The following TTC23L variants were observed in gnomAD, a reference collection of about 807,000 sequenced individuals.
TTC23L encodes tetratricopeptide repeat domain 23 like.
TTC23L carries 42 observed loss-of-function variants against 48.1 expected under a neutral mutation model. The ratio of observed to expected loss-of-function variants is 0.87; its 90% CI spans 0.68 to 1.13. The LOEUF is 1.13. Among genes scored for constraint, TTC23L ranks in the 50% most tolerant of loss-of-function variants. The probability of loss-of-function intolerance (pLI) is 0.00; values close to 1 mark genes in which losing one functional copy is unlikely to be tolerated. For synonymous variants in TTC23L, 159 were observed against 157.2 expected, an observed-to-expected ratio of 1.01 and a Z score of -0.09; for missense variants, 391 against 421.0, an observed-to-expected ratio of 0.93 and a Z score of 0.62.
At chr5:34,878,459 C>T (rs1388921892) in intron 8 of TTC23L, among the ~76,000 whole-genome samples, 4 of 152,280 alleles carry the variant, frequency 2.6e-5, no homozygotes, top group Admixed American at 2.6e-4. Flanking sequence ...TTTATAGATT[C>T]AACTCAATTC....
At chr5:34,921,376 A>C in the TTC23L span, 2 of 152,200 alleles carry the variant, frequency 1.3e-5, no homozygotes, top group Non-Finnish European at 2.9e-5. Flanking sequence ...ACCAGAAATG[A>C]TAGTATAAAT....
intron 4 of TTC23L, among the ~76,000 whole-genome samples, chr5:34,850,656 T>G (rs1759600714): frequency 1.3e-5 from 2 of 151,938 alleles, no homozygotes; most frequent in African/African-American, 4.8e-5. Flanking sequence ...CGGAGGACAG[T>G]AGGGGAAGGA....
In TTC23L at chr5:34,840,782, T is replaced by TGAAACACTGGGAC. The variant is rs1561114595; in HGVS notation, c.68+44_68+56dup. On this transcript the variant is annotated intron_variant, in intron 2 of 10. Coordinates refer to ENST00000505624, the Ensembl canonical transcript of TTC23L. ...TTGACATCACAGGTACTTACTGGGC[T>TGAAACACTGGGAC]GAAACACTGGGACCTCCTGCTTAAG... The TGAAACACTGGGAC allele has an allele frequency of 2.5e-6, 4 of 1,581,852 alleles. No individual in the cohort carries two copies. In the Admixed American group the frequency reaches 5.0e-5, roughly 20 times the overall value.
intron 9 of TTC23L, among the ~76,000 whole-genome samples, chr5:34,890,514 C>G (rs1762803760): frequency 6.7e-6 from 1 of 149,776 alleles, no homozygotes; most frequent in Non-Finnish European, 1.5e-5. Flanking sequence ...AGATTTGAAT[C>G]CGGGTTGATC....
At chr5:34,908,848 T>G in the TTC23L span, 1 of 1,612,812 alleles carries the variant, frequency 6.2e-7, no homozygotes, top group Non-Finnish European at 8.5e-7. Context: ...TTTCTAATCA[T>G]ATACTGTAAT....
chr5:34,915,056 C>T, the TTC23L span: 1 of 668,776 alleles, frequency 1.5e-6, no homozygotes, highest in Non-Finnish European at 2.5e-6. Context: ...GGAGGCTGAA[C>T]ACGGCTGACC....
intron 4 of TTC23L, among the ~76,000 whole-genome samples, chr5:34,856,385 T>A (rs1197696138): frequency 6.6e-6 from 1 of 152,194 alleles, no homozygotes; most frequent in Admixed American, 6.5e-5. Flanking sequence ...CCTCCCCCCA[T>A]CCAGAACAAA....
intron 9 of TTC23L, chr5:34,883,489 GA>G: frequency 5.7e-6 from 1 of 174,256 alleles, no homozygotes. Context: ...GAACTAATGG[GA>G]AAGAGCCTGA....
chr5:34,869,096 T>A, intron 8 of TTC23L, 83 bp downstream of exon 8: 1 of 1,126,630 alleles, frequency 8.9e-7, no homozygotes, highest in Admixed American at 2.1e-5. Context: ...AAGATTCTAA[T>A]TAGCTATTTA....
At chr5:34,845,813 C>T in intron 3 of TTC23L, 140 bp downstream of exon 3, 1 of 882,570 alleles carries the variant, frequency 1.1e-6, no homozygotes, top group Non-Finnish European at 1.7e-6. Context: ...GAAAACAAAG[C>T]AGAGCCTACT....
chr5:34,913,434 T>A, the TTC23L span: 1 of 1,286,878 alleles, frequency 7.8e-7, no homozygotes, highest in Non-Finnish European at 1.1e-6. Context: ...CCACTATGTA[T>A]AACACTTTTA....
intron 9 of TTC23L, chr5:34,880,629 T>A (rs1260856355): frequency 1.9e-5 from 8 of 427,938 alleles, no homozygotes; most frequent in South Asian, 1.4e-4. Context: ...CTTCTAACGG[T>A]TCCCTCTCTG....
chr5:34,888,836 A>G (rs542437692), intron 9 of TTC23L, among the ~76,000 whole-genome samples: 1 of 152,224 alleles, frequency 6.6e-6, no homozygotes, highest in Non-Finnish European at 1.5e-5. Context: ...TGTTGATCAC[A>G]GTGTGATAGT....
At chr5:34,918,150 A>C in the TTC23L span, 1 of 333,192 alleles carries the variant, frequency 3.0e-6, no homozygotes, top group Non-Finnish European at 5.4e-6. Flanking sequence ...CAAAAAAAAA[A>C]AAAAAAAAAA....
intron 7 of TTC23L, 30 bp downstream of exon 7, chr5:34,867,099 G>A (rs1479551153): frequency 1.0e-5 from 16 of 1,594,026 alleles, no homozygotes; most frequent in Non-Finnish European, 1.3e-5. Context: ...CCCAGGCTGG[G>A]TTGCCTTGTT....
intron 2 of TTC23L, among the ~76,000 whole-genome samples, chr5:34,842,155 G>T (rs879922173): frequency 5.3e-5 from 8 of 152,096 alleles, no homozygotes; most frequent in Non-Finnish European, 1.0e-4. Flanking sequence ...TGAAACACAT[G>T]AATTTAATTT....
chr5:34,845,429 A>G, intron 2 of TTC23L, 58 bp from the exon 3 acceptor site: 4 of 1,541,990 alleles, frequency 2.6e-6, no homozygotes. Flanking sequence ...CTTCAATTTT[A>G]CCTTGTTTGA....
chr5:34,915,069 G>T, the TTC23L span: 1 of 618,510 alleles, frequency 1.6e-6, no homozygotes, highest in Non-Finnish European at 2.8e-6. Flanking sequence ...GGCTGACCAG[G>T]CCGAACCCCA....
rs1009373714 is a variant in TTC23L, at chr5:34,892,689, A to G, written c.1078-4081A>G. On this transcript the variant is annotated intron_variant, in intron 9 of 10. Coordinates refer to ENST00000505624, the Ensembl canonical transcript of TTC23L. ...ATGGGTTGCAGGTTCTTCGAAGAAA[A>G]GTAGCCATTAGCAGGTAGACAAGAA... Among the ~76,000 whole-genome samples, 9 of 152,294 alleles carry G rather than the reference A, an allele frequency of 5.9e-5. No homozygotes were observed. In the East Asian group the frequency reaches 1.7e-3, roughly 29 times the overall value.
Sources: allele counts gnomAD v4.1 joint callset (sites outside exome capture counted in the v4.1 genomes callset), GRCh38; gene constraint gnomAD v4.1.1; transcripts MANE v1.5; gene names NCBI Gene and HGNC (gene_info 2026-07-23, HGNC 2026-07-21).